Variants in COL18A1 observed in about 807,000 individuals in gnomAD.
COL18A1 encodes the protein collagen type XVIII alpha 1 chain, also known as collagen alpha-1(XVIII) chain.
A neutral mutation model predicts 168.0 loss-of-function variants in COL18A1; 133 were observed. That is an observed-to-expected ratio of 0.79 (90% CI 0.69 to 0.91). The LOEUF (loss-of-function observed/expected upper bound fraction) is 0.91, where lower values mean the gene tolerates loss of function less well. Among genes scored for constraint, COL18A1 ranks in the 40% least tolerant of loss-of-function variants. The pLI is 0.00. For synonymous variants in COL18A1, 949 were observed against 809.0 expected (o/e 1.17, Z -2.94); for missense variants, 2,126 against 1,925.4 (o/e 1.10, Z -1.95).
At chr21:45,512,122 G>A (rs1045346480) in intron 41 of COL18A1, 66 bp from the exon 42 acceptor site, 85 of 1,535,318 alleles carry the variant, frequency 5.5e-5, no homozygotes, top group African/African-American at 4.9e-4. Flanking sequence ...TTTCCTGCCC[G>A]GGGAGCGGCC....
chr21:45,412,126 C>T (rs1187524575), intron 2 of COL18A1, among the ~76,000 whole-genome samples: 1 of 152,036 alleles, frequency 6.6e-6, no homozygotes, highest in African/African-American at 2.4e-5. Flanking sequence ...TTCCCCGTAG[C>T]TTTTTGTCTG....
At chr21:45,488,512 G>A in intron 18 of COL18A1, 68 bp downstream of exon 18, 1 of 1,610,838 alleles carries the variant, frequency 6.2e-7, no homozygotes. Flanking sequence ...CTTGGGGCTG[G>A]GGGAGACAGG....
intron 32 of COL18A1, chr21:45,497,900 G>A (rs1012887659): frequency 3.3e-6 from 2 of 614,846 alleles, no homozygotes; most frequent in Non-Finnish European, 5.7e-6. Flanking sequence ...ACCTCCTGAG[G>A]AGCAGATGGC....
chr21:45,429,340 C>T (rs2033893339), intron 2 of COL18A1, among the ~76,000 whole-genome samples: 1 of 152,216 alleles, frequency 6.6e-6, no homozygotes, highest in African/African-American at 2.4e-5. Flanking sequence ...TGCAGGTGCA[C>T]AGTTGCCACG....
At chr21:45,496,969 T>A (rs2036564263) in intron 30 of COL18A1, 81 bp from the exon 31 acceptor site, 1 of 926,240 alleles carries the variant, frequency 1.1e-6, no homozygotes, top group Admixed American at 1.7e-5. Context: ...CTGGTGCTTC[T>A]GGGCTTGGGG....
chr21:45,406,568 G>T (rs1233844293), intron 2 of COL18A1, among the ~76,000 whole-genome samples: 1 of 152,154 alleles, frequency 6.6e-6, no homozygotes. Context: ...GGCGGAGAGC[G>T]GCTGTGAGCT....
intron 2 of COL18A1, among the ~76,000 whole-genome samples, chr21:45,426,208 G>C (rs1188127038): frequency 6.6e-6 from 1 of 152,144 alleles, no homozygotes; most frequent in East Asian, 1.9e-4. Context: ...GGGTTCAAGC[G>C]ATTCTCACAT....
At chr21:45,449,547 A>T (rs368019557) in intron 2 of COL18A1, among the ~76,000 whole-genome samples, 2 of 152,044 alleles carry the variant, frequency 1.3e-5, no homozygotes, top group Non-Finnish European at 2.9e-5. Context: ...CCCTGCCCCC[A>T]CCGTGGGGGA....
In COL18A1 at chr21:45,506,179, G is replaced by A. The variant is rs12483553; in HGVS notation, c.3216+213G>A. On this transcript the variant is annotated intron_variant, in intron 37 of 41. Transcript: ENST00000651438. ...AAAGTGAGCTCAAGCTTCTGAAAGT[G>A]GATGAACACATGGCGTGTGAGGGGC... 69,969 of 651,166 alleles carry A rather than the reference G, an allele frequency of 0.11. 4,135 individuals carry two copies. The highest frequency in any genetic ancestry group is 0.18 in the Admixed American group (6,956 of 39,454). The allele number at this position is 651,166 out of a possible 1,614,324, so 40.3% of individuals were successfully genotyped here.
intron 32 of COL18A1, among the ~76,000 whole-genome samples, chr21:45,499,746 G>A (rs1181619324): frequency 1.3e-5 from 2 of 152,246 alleles, no homozygotes; most frequent in East Asian, 3.8e-4. Flanking sequence ...GGAGAGGAAT[G>A]CAGAGCTAAC....
At chr21:45,455,924 G>T in intron 2 of COL18A1, 1 of 1,613,076 alleles carries the variant, frequency 6.2e-7, no homozygotes, top group South Asian at 1.1e-5. Context: ...GAATGACACT[G>T]TCCCCACTGA....
At chr21:45,456,667 G>A (rs975440337) in intron 2 of COL18A1, 76 of 1,532,720 alleles carry the variant, frequency 5.0e-5, no homozygotes, top group Non-Finnish European at 5.9e-5. Context: ...TGCTGCAGAC[G>A]CACTGCCACC....
rs771748902 is a variant in COL18A1, at chr21:45,510,052, C to G, written c.3496-12C>G. ...GTGGGACACAGCCCGTGACGCGCCC[C>G]TCTCCCCGCAGCTCCACCTGGTTGC... On this transcript the variant is annotated splice_polypyrimidine_tract_variant and intron_variant, in intron 39 of 41. Coordinates refer to ENST00000651438, the MANE Select transcript of COL18A1 (RefSeq NM_001379500.1). The G allele has an allele frequency of 2.6e-6, 4 of 1,549,692 alleles. No individual in the cohort carries two copies. In the East Asian group the frequency reaches 9.6e-5, roughly 37 times the overall value.
Position 45,457,965 on chromosome 21 carries a change from C to T in COL18A1, c.107-10277C>T, listed in dbSNP as rs1487556255. Among the ~76,000 whole-genome samples, 1 of 152,172 alleles carries T rather than the reference C, an allele frequency of 6.6e-6. No individual in the cohort carries two copies. Among genetic ancestry groups the T allele is most frequent in the African/African-American group, 2.4e-5 (1 of 41,442 alleles). ...TTGAGTTTCAGGCCAGTGACCGTTT[C>T]TCTCAGCAAAGCCCAGAGCCTCTGC... On this transcript the variant is annotated intron_variant, in intron 2 of 41. Transcript: ENST00000651438. This position sits in a 1 kb window ranked among gnomAD's most constrained non-coding sequence, Gnocchi z 4.6.
In COL18A1 at chr21:45,477,797, T is replaced by G; in HGVS notation, c.1053T>G (p.Pro351=). The change falls in exon 8 of 42, where the codon CCT becomes CCG. Residue 351 remains proline (P), a synonymous_variant. Coordinates refer to ENST00000651438, the MANE Select transcript of COL18A1 (RefSeq NM_001379500.1). The stretch of plus-strand genomic sequence containing the variant: ...GGGAGCCAGGTGTTCCGGGCCCACC[T>G]GGCCGGGCAGGCCCCCCAGGATCCC... ...QKGEPGVPGP[P]GRAGPPGSPC... is the part of the protein sequence containing the mutation. 6.5e-7 allele frequency: 1 copy of G among 1,549,052 alleles called. No individual in the cohort carries two copies. Among genetic ancestry groups the G allele is most frequent in the Non-Finnish European group, 8.7e-7 (1 of 1,146,224 alleles).
At chr21:45,494,682 T>A in intron 27 of COL18A1, 111 bp downstream of exon 27, 2 of 1,510,536 alleles carry the variant, frequency 1.3e-6, no homozygotes, top group Non-Finnish European at 1.8e-6. Flanking sequence ...CTCATCTCCC[T>A]AGTGCAGTTT....
rs529896759 is a variant in COL18A1, at chr21:45,512,434, C to G, written c.*36C>G. 6.3e-7 allele frequency: 1 copy of G among 1,593,154 alleles called. No homozygotes were observed. Among genetic ancestry groups the G allele is most frequent in the Non-Finnish European group, 8.5e-7 (1 of 1,170,330 alleles). ...GATGCGGATGGCCGGAGAGGACCGG[C>G]GGCTCGGAGGAAGCCCCCACCGTGG... is the stretch of plus-strand genomic sequence containing the variant. On this transcript the variant is annotated 3_prime_UTR_variant, in exon 42 of 42. Coordinates refer to ENST00000651438, the MANE Select transcript of COL18A1 (RefSeq NM_001379500.1).
intron 2 of COL18A1, among the ~76,000 whole-genome samples, chr21:45,437,319 T>C (rs1290762845): frequency 1.7e-5 from 1 of 60,380 alleles, no homozygotes; most frequent in African/African-American, 8.4e-5. Flanking sequence ...GGCACTCTCC[T>C]GCACACACAC....
intron 2 of COL18A1, among the ~76,000 whole-genome samples, chr21:45,427,829 G>A (rs945723466): frequency 9.9e-5 from 15 of 152,230 alleles, no homozygotes; most frequent in African/African-American, 2.9e-4. Context: ...GAAGGGGGGC[G>A]AGGCCTCGGG....
Sources: allele counts gnomAD v4.1 joint callset (sites outside exome capture counted in the v4.1 genomes callset), GRCh38; gene constraint gnomAD v4.1.1; non-coding constraint Gnocchi (gnomAD v3.1); transcripts MANE v1.5; gene names NCBI Gene and HGNC (gene_info 2026-07-23, HGNC 2026-07-21).